PTPRQ: variants seen among roughly 807,000 people sequenced by gnomAD.
PTPRQ encodes the protein protein tyrosine phosphatase receptor type Q.
In PTPRQ, 199 loss-of-function variants were observed where a neutral mutation model predicts 246.0. The ratio of observed to expected loss-of-function variants is 0.81; its 90% CI spans 0.72 to 0.91. The LOEUF (loss-of-function observed/expected upper bound fraction) is 0.91. Ranked by LOEUF, PTPRQ falls within the 40% of genes least tolerant of loss-of-function variation. PTPRQ has a pLI of 0.00. For synonymous variants in PTPRQ, 869 were observed against 853.2 expected (o/e 1.02, Z -0.32); for missense variants, 2,624 against 2,528.4 (o/e 1.04, Z -0.81).
intron 25 of PTPRQ, among the ~76,000 whole-genome samples, chr12:80,582,368 T>A (rs1897468577): frequency 1.3e-5 from 2 of 152,192 alleles, no homozygotes; most frequent in Non-Finnish European, 2.9e-5. Context: ...AATAATTTGC[T>A]GCAATGGAGT....
At chr12:80,468,449 A>G (rs1893512113) in intron 6 of PTPRQ, among the ~76,000 whole-genome samples, 1 of 152,198 alleles carries the variant, frequency 6.6e-6, no homozygotes, top group African/African-American at 2.4e-5. Flanking sequence ...GAATATTAGA[A>G]TGAAACTTGC....
intron 8 of PTPRQ, 22 bp downstream of exon 8, chr12:80,472,273 G>A: frequency 6.5e-7 from 1 of 1,549,700 alleles, no homozygotes; most frequent in Non-Finnish European, 8.7e-7. Flanking sequence ...GGGAATGAGT[G>A]AGATATTTTT....
chr12:80,444,679 A>G, intron 1 of PTPRQ, 62 bp from the exon 2 acceptor site: 1 of 1,250,260 alleles, frequency 8.0e-7, no homozygotes, highest in Non-Finnish European at 1.1e-6. Context: ...TGATAGATTT[A>G]TTTTAGCTTG....
At chr12:80,644,519 T>A (rs1024560618) in intron 35 of PTPRQ, among the ~76,000 whole-genome samples, 7 of 152,246 alleles carry the variant, frequency 4.6e-5, no homozygotes, top group Non-Finnish European at 7.4e-5. Context: ...TATTTGAGTA[T>A]GTTTGAGTAT....
chr12:80,605,283 T>G (rs897783273), intron 27 of PTPRQ, 103 bp downstream of exon 27: 2 of 1,372,772 alleles, frequency 1.5e-6, no homozygotes, highest in Non-Finnish European at 1.9e-6. Flanking sequence ...TGTTAGACAG[T>G]AGGAAAATTA....
At chr12:80,615,877 C>T (rs1331504772) in intron 29 of PTPRQ, among the ~76,000 whole-genome samples, 1 of 150,834 alleles carries the variant, frequency 6.6e-6, no homozygotes, top group Non-Finnish European at 1.5e-5. Flanking sequence ...CATGGTCAGT[C>T]CAGGTCTCAG....
intron 26 of PTPRQ, among the ~76,000 whole-genome samples, chr12:80,594,822 C>G (rs575267304): frequency 2.0e-5 from 3 of 152,066 alleles, no homozygotes; most frequent in Non-Finnish European, 2.9e-5. Flanking sequence ...TTACATTTAT[C>G]TCTTAGATAA....
intron 8 of PTPRQ, among the ~76,000 whole-genome samples, chr12:80,480,798 C>T (rs1305126789): frequency 1.3e-5 from 2 of 152,328 alleles, no homozygotes; most frequent in Non-Finnish European, 2.9e-5. Flanking sequence ...TTCCTCGACA[C>T]ATACACTCTC....
chr12:80,587,122 T>G (rs1313466449), intron 25 of PTPRQ, among the ~76,000 whole-genome samples: 1 of 152,190 alleles, frequency 6.6e-6, no homozygotes, highest in Non-Finnish European at 1.5e-5. Flanking sequence ...GTTTTGTTCA[T>G]TGTATTTTCA....
chr12:80,534,871 G>T (rs761869300), intron 18 of PTPRQ, 21 bp from the exon 19 acceptor site: 47 of 1,541,376 alleles, frequency 3.0e-5, no homozygotes, highest in Non-Finnish European at 3.7e-5. Flanking sequence ...ACAGTAATTT[G>T]TTCAATTATT....
At chr12:80,505,989 A>G (rs1402062079) in intron 14 of PTPRQ, 35 bp from the exon 15 acceptor site, 2 of 1,519,488 alleles carry the variant, frequency 1.3e-6, no homozygotes, top group African/African-American at 2.8e-5. Flanking sequence ...TTAGAATGGA[A>G]TTGTTTTATG....
chr12:80,639,637 TTAAA>T (rs1430111428), intron 35 of PTPRQ, among the ~76,000 whole-genome samples: 33 of 152,354 alleles, frequency 2.2e-4, no homozygotes, highest in Admixed American at 3.9e-4. Flanking sequence ...TGAATTTTTG[TTAAA>T]TACACAGTTA....
chr12:80,471,338 A>T (rs1893618015), intron 7 of PTPRQ, among the ~76,000 whole-genome samples: 1 of 152,008 alleles, frequency 6.6e-6, no homozygotes, highest in South Asian at 2.1e-4. Flanking sequence ...TTAGAGCAAG[A>T]AGGTAAAGGA....
intron 18 of PTPRQ, 123 bp downstream of exon 18, chr12:80,534,298 GA>G: frequency 9.1e-7 from 1 of 1,094,214 alleles, no homozygotes; most frequent in African/African-American, 1.6e-5. Context: ...TCAGTTTGAT[GA>G]AAAATTGCAT....
intron 34 of PTPRQ, among the ~76,000 whole-genome samples, chr12:80,632,889 G>C (rs1899493001): frequency 6.6e-6 from 1 of 152,144 alleles, no homozygotes; most frequent in Non-Finnish European, 1.5e-5. Flanking sequence ...ACTTGAGACT[G>C]TTCACGAATG....
chr12:80,512,337 C>G (rs1388244831), intron 17 of PTPRQ, among the ~76,000 whole-genome samples: 3 of 152,190 alleles, frequency 2.0e-5, no homozygotes, highest in Admixed American at 6.5e-5. Flanking sequence ...TAATGCATAA[C>G]ACACCTAGAC....
chr12:80,611,690 G>T (rs2121104343), intron 28 of PTPRQ, among the ~76,000 whole-genome samples: 1 of 150,428 alleles, frequency 6.6e-6, no homozygotes, highest in South Asian at 2.1e-4. Context: ...AAATCTCTAA[G>T]AGTAGAATTT....
Position 80,444,831 on chromosome 12 carries a change from G to C in PTPRQ, c.145G>C (p.Val49Leu), listed in dbSNP as rs1028149604. 1.3e-6 allele frequency: 2 copies of C among 1,523,688 alleles called. No homozygotes were observed. 94.4% of individuals were successfully genotyped at this position (1,523,688 alleles called of 1,614,324 possible). Residue 49 changes from valine to leucine, a missense_variant, in exon 2 of 45, where the codon GTG becomes CTG. Coordinates refer to ENST00000644991, the MANE Select transcript of PTPRQ (RefSeq NM_001145026.2). Reference sequence around the variant, plus strand: ...ATACACCTCACCTGTTACTAGAATAGTGACAACAAATGTAACAAGTGAGTA... The same window carrying C: ...ATACACCTCACCTGTTACTAGAATACTGACAACAAATGTAACAAGTGAGTA... Reference protein sequence around the residue: ...TTYTSPVTRIVTTNVTKPGPP... With the variant: ...TTYTSPVTRILTTNVTKPGPP...
chr12:80,535,411 T>A (rs972724673), intron 19 of PTPRQ, among the ~76,000 whole-genome samples: 3 of 152,232 alleles, frequency 2.0e-5, no homozygotes, highest in Non-Finnish European at 4.4e-5. Flanking sequence ...GCTAAATTTT[T>A]TTTCATTTGT....
Sources: allele counts gnomAD v4.1 joint callset (sites outside exome capture counted in the v4.1 genomes callset), GRCh38; gene constraint gnomAD v4.1.1; transcripts MANE v1.5; gene names NCBI Gene and HGNC (gene_info 2026-07-23, HGNC 2026-07-21).